Variants in GAL3ST3 observed in about 807,000 individuals in gnomAD.
GAL3ST3 encodes galactose-3-O-sulfotransferase 3.
In GAL3ST3, 21 loss-of-function variants were observed where a neutral mutation model predicts 20.8. The ratio of observed to expected loss-of-function variants is 1.01; its 90% CI spans 0.72 to 1.45. The LOEUF (loss-of-function observed/expected upper bound fraction) is 1.45. Ranked by LOEUF, GAL3ST3 falls within the 40% of genes most tolerant of loss-of-function variation. The probability of loss-of-function intolerance (pLI) is 0.00; values close to 1 mark genes in which losing one functional copy is unlikely to be tolerated. For missense variants in GAL3ST3, 739 were observed against 662.7 expected, an observed-to-expected ratio of 1.12 and a Z score of -1.26; for synonymous variants, 355 against 307.2, an observed-to-expected ratio of 1.16 and a Z score of -1.63.
chr11:66,041,169 G>C lies in GAL3ST3; in HGVS notation c.*1338C>G, dbSNP rs1260459774. ...CCTAGTGGCCACTTTCTGGCTGTGT[G>C]ACCCTGACTTAATTTCCCCCAAGTT... On this transcript the variant is annotated 3_prime_UTR_variant, in exon 3 of 3. Transcript: ENST00000312006. Among the ~76,000 whole-genome samples, 1 of 152,162 alleles carries C rather than the reference G, an allele frequency of 6.6e-6. No homozygotes were observed. The highest frequency in any genetic ancestry group is 1.5e-5 in the Non-Finnish European group (1 of 68,034).
At position 66,043,567 on chromosome 11, in the gene GAL3ST3, A is replaced by G. The variant is rs1301960081; in HGVS notation, c.236T>C (p.Val79Ala). 3 of 1,612,188 alleles carry G rather than the reference A, an allele frequency of 1.9e-6. No homozygotes were observed. The highest frequency in any genetic ancestry group is 1.7e-6 in the Non-Finnish European group (2 of 1,179,922). ...GGCAAAGCGAAACAGGATGTTCTGCACCGTCGTGCCTGCCGTCTTGTGAGT... is the reference window on the plus strand; with the variant it reads ...GGCAAAGCGAAACAGGATGTTCTGCGCCGTCGTGCCTGCCGTCTTGTGAGT... The part of the protein sequence containing the change: ...LKTHKTAGTT[V>A]QNILFRFAER... The change falls in exon 3 of 3, where the codon GTG becomes GCG. Residue 79 changes from valine (V) to alanine (A), a missense_variant. Physicochemically the swap from Val to Ala is moderately conservative, Grantham distance 64 (BLOSUM62 0). Transcript: ENST00000312006.
chr11:66,042,839 G>T lies in GAL3ST3; in HGVS notation c.964C>A (p.Arg322Ser). Residue 322 changes from arginine (R) to serine (S), a missense_variant, in exon 3 of 3, where the codon CGC becomes AGC. By Grantham distance (110) the Arg-to-Ser change is moderately radical. Transcript: ENST00000312006. Reference sequence around the variant, plus strand: ...CGCTGGCGGGCCTCGCGCAGCTCGCGCGCCTCGCGCTCCACGCACGCGCGG... The same window carrying T: ...CGCTGGCGGGCCTCGCGCAGCTCGCTCGCCTCGCGCTCCACGCACGCGCGG... ...AGRACVEREA[R>S]ELREARQRLL... 1 of 1,331,676 alleles carries T rather than the reference G, an allele frequency of 7.5e-7. No homozygotes were observed. The allele number at this position is 1,331,676 out of a possible 1,614,324, so 82.5% of individuals were successfully genotyped here. A position where few individuals can be genotyped will look rare whatever the true frequency, so the allele number is the denominator to read the frequency against.
chr11:66,043,905 C>T (rs1226281605), intron 2 of GAL3ST3, among the ~76,000 whole-genome samples: 1 of 152,172 alleles, frequency 6.6e-6, no homozygotes, highest in Non-Finnish European at 1.5e-5. Flanking sequence ...TTAGGCTGGA[C>T]TTATCATTGC....
At chr11:66,046,155 G>A (rs1164360480) in intron 1 of GAL3ST3, among the ~76,000 whole-genome samples, 2 of 152,202 alleles carry the variant, frequency 1.3e-5, no homozygotes, top group African/African-American at 2.4e-5. Context: ...TATATCACTT[G>A]TCCATAGCTA....
intron 2 of GAL3ST3, among the ~76,000 whole-genome samples, 195 bp from the exon 3 acceptor site, chr11:66,043,872 C>T (rs1856752838): frequency 6.6e-6 from 1 of 152,176 alleles, no homozygotes; most frequent in African/African-American, 2.4e-5. Flanking sequence ...TATTCATGCC[C>T]TTGAGTATTC....
Position 66,042,757 on chromosome 11 carries a change from C to A in GAL3ST3, c.1046G>T (p.Arg349Leu), listed in dbSNP as rs1312022577. 4.6e-6 allele frequency: 7 copies of A among 1,529,086 alleles called. No individual in the cohort carries two copies. The highest frequency in any genetic ancestry group is 5.2e-6 in the Non-Finnish European group (6 of 1,144,008). 94.7% of individuals were successfully genotyped at this position (1,529,086 alleles called of 1,614,324 possible). Residue 349 changes from arginine (R) to leucine (L), a missense_variant, in exon 3 of 3, where the codon CGC (arginine) becomes CTC (leucine). Transcript: ENST00000312006. ...EPLLRPAAQIRTKQLQPWQPS... is the reference protein window; with the variant it reads ...EPLLRPAAQILTKQLQPWQPS... ...CTGCCACGGCTGCAGCTGCTTGGTG[C>A]GGATCTGCGCGGCAGGCCGCAGCAG...
chr11:66,043,065 C>G lies in GAL3ST3; in HGVS notation c.738G>C (p.Glu246Asp), dbSNP rs535807792. 5 of 1,611,652 alleles carry G rather than the reference C, an allele frequency of 3.1e-6. No homozygotes were observed. In the South Asian group the frequency reaches 4.4e-5, roughly 14 times the overall value. ...SLVMIAEYFD[E>D]SLVLLRRLLA... ...GTAGGCGCCGCAGCAGCACTAGCGA[C>G]TCGTCGAAGTACTCGGCGATCATGA... Residue 246 changes from glutamate to aspartate, a missense_variant, in exon 3 of 3, where the codon GAG (glutamate) becomes GAC (aspartate). Coordinates refer to ENST00000312006, the MANE Select transcript of GAL3ST3 (RefSeq NM_033036.3).
chr11:66,044,451 A>G (rs1220845911), intron 2 of GAL3ST3, among the ~76,000 whole-genome samples: 2 of 152,222 alleles, frequency 1.3e-5, no homozygotes, highest in African/African-American at 4.8e-5. Flanking sequence ...TCACTTACAC[A>G]AAGTCTGGAG....
chr11:66,042,381 A>G lies in GAL3ST3; in HGVS notation c.*126T>C. The G allele has an allele frequency of 1.4e-6, 1 of 738,280 alleles. No homozygotes were observed. 45.7% of individuals were successfully genotyped at this position (738,280 alleles called of 1,614,324 possible). On this transcript the variant is annotated 3_prime_UTR_variant, in exon 3 of 3. Transcript: ENST00000312006. ...GCTCAGATAGGGAGGCGTACCCCAA[A>G]GTTCAGCGAGGGACTCAAGCCCCTT...
chr11:66,042,908 C>A lies in GAL3ST3; in HGVS notation c.895G>T (p.Asp299Tyr). 3 of 1,218,228 alleles carry A rather than the reference C, an allele frequency of 2.5e-6. No homozygotes were observed. The highest frequency in any genetic ancestry group is 1.8e-5 in the South Asian group (1 of 56,116). The allele number at this position is 1,218,228 out of a possible 1,614,324, so 75.5% of individuals were successfully genotyped here. A position where few individuals can be genotyped will look rare whatever the true frequency, so the allele number is the denominator to read the frequency against. Residue 299 changes from aspartate (D) to tyrosine (Y), a missense_variant, in exon 3 of 3, where the codon GAC (aspartate) becomes TAC (tyrosine). By Grantham distance (160) the Asp-to-Tyr change is radical (BLOSUM62 -3). Coordinates refer to ENST00000312006, the MANE Select transcript of GAL3ST3 (RefSeq NM_033036.3). ...TWNALDAGLYDHFNATFWRHV... is the reference protein window; with the variant it reads ...TWNALDAGLYYHFNATFWRHV... ...CGCCAGAAGGTGGCGTTGAAGTGGT[C>A]GTAGAGGCCGGCGTCCAGGGCGTTC...
chr11:66,043,028 G>T lies in GAL3ST3; in HGVS notation c.775C>A (p.Leu259Met). The change falls in exon 3 of 3, where the codon CTG (leucine) becomes ATG (methionine). Residue 259 changes from leucine (L) to methionine (M), a missense_variant. Coordinates refer to ENST00000312006, the MANE Select transcript of GAL3ST3 (RefSeq NM_033036.3). ...VLLRRLLAWDLDDVLYAKLNA... is the reference protein window; with the variant it reads ...VLLRRLLAWDMDDVLYAKLNA... ...AGCTTGGCGTAGAGCACGTCGTCCA[G>T]GTCCCAGGCCAGTAGGCGCCGCAGC... 6.2e-7 allele frequency: 1 copy of T among 1,610,206 alleles called. No individual in the cohort carries two copies. Among genetic ancestry groups the T allele is most frequent in the Non-Finnish European group, 8.5e-7 (1 of 1,178,948 alleles).
chr11:66,043,150 C>T lies in GAL3ST3; in HGVS notation c.653G>A (p.Arg218His). ...DLGGDNERSPRDDAAYLAGLI... is the reference protein window; with the variant it reads ...DLGGDNERSPHDDAAYLAGLI... ...GCCCGCCAGGTAGGCGGCGTCGTCG[C>T]GCGGGCTGCGCTCATTGTCGCCGCC... The change falls in exon 3 of 3, where the codon CGC (arginine) becomes CAC (histidine). Residue 218 changes from arginine (R) to histidine (H), a missense_variant. Coordinates refer to ENST00000312006, the MANE Select transcript of GAL3ST3 (RefSeq NM_033036.3). 6.2e-7 allele frequency: 1 copy of T among 1,611,704 alleles called. No individual in the cohort carries two copies. The highest frequency in any genetic ancestry group is 1.3e-5 in the African/African-American group (1 of 75,016).
In GAL3ST3 at chr11:66,042,857, A is replaced by C; in HGVS notation, c.946T>G (p.Cys316Gly). ...WRHVARAGRA[C>G]VEREARELRE... The stretch of plus-strand genomic sequence containing the variant: ...AGCTCGCGCGCCTCGCGCTCCACGC[A>C]CGCGCGGCCCGCGCGCGCCACGTGG... Residue 316 changes from cysteine to glycine, a missense_variant, in exon 3 of 3, where the codon TGC (cysteine) becomes GGC (glycine). Physicochemically the swap from Cys to Gly is radical, Grantham distance 159 (BLOSUM62 -3). Transcript: ENST00000312006. 4 of 1,180,118 alleles carry C rather than the reference A, an allele frequency of 3.4e-6. No homozygotes were observed. The highest frequency in any genetic ancestry group is 4.2e-6 in the Non-Finnish European group (4 of 950,602). 73.1% of individuals were successfully genotyped at this position (1,180,118 alleles called of 1,614,324 possible).
At chr11:66,047,735 C>T (rs1856796971) in intron 1 of GAL3ST3, among the ~76,000 whole-genome samples, 1 of 152,198 alleles carries the variant, frequency 6.6e-6, no homozygotes, top group Admixed American at 6.5e-5. Context: ...CCAGGATTAC[C>T]CTGCCAGTGG....
intron 1 of GAL3ST3, 92 bp from the exon 2 acceptor site, chr11:66,045,619 G>C: frequency 6.4e-6 from 3 of 471,772 alleles, no homozygotes. Flanking sequence ...AACAGGTGGG[G>C]TAAGCAGAGA....
chr11:66,047,102 C>A (rs1856790518), intron 1 of GAL3ST3, among the ~76,000 whole-genome samples: 1 of 152,172 alleles, frequency 6.6e-6, no homozygotes, highest in South Asian at 2.1e-4. Flanking sequence ...CAGAGGGTAA[C>A]CAAGGGCACA....
In GAL3ST3 at chr11:66,043,801, GGTCGAGGGCGGT is replaced by G. The variant is rs1856751639; in HGVS notation, c.126-136_126-125del. The G allele has an allele frequency of 5.0e-6, 4 of 794,608 alleles. No homozygotes were observed. In the South Asian group the frequency reaches 7.3e-5, roughly 15 times the overall value. 49.2% of individuals were successfully genotyped at this position (794,608 alleles called of 1,614,324 possible). On this transcript the variant is annotated intron_variant, in intron 2 of 2. Coordinates refer to ENST00000312006, the MANE Select transcript of GAL3ST3 (RefSeq NM_033036.3). ...CCCGCCTGGGCTGCACTCATGGAAA[GGTCGAGGGCGGT>G]GCTTGGTAGCCTCTAAGATGCCCTC...
Position 66,042,551 on chromosome 11 carries a change from G to C in GAL3ST3, c.1252C>G (p.Pro418Ala). Reference protein sequence around the residue: ...RPEPVLDNPPPRPIRVLPRGP... With the variant: ...RPEPVLDNPPARPIRVLPRGP... ...CGAGGCAGCACTCGGATGGGCCGAG[G>C]CGGGGGATTGTCCAGGACGGGCTCG... The change falls in exon 3 of 3, where the codon CCT (proline) becomes GCT (alanine). Residue 418 changes from proline (P) to alanine (A), a missense_variant. Pro to Ala is a conservative substitution (Grantham distance 27). Transcript: ENST00000312006. 6.6e-7 allele frequency: 1 copy of C among 1,522,648 alleles called. No individual in the cohort carries two copies. The highest frequency in any genetic ancestry group is 1.2e-5 in the South Asian group (1 of 81,822). The allele number at this position is 1,522,648 out of a possible 1,614,324, so 94.3% of individuals were successfully genotyped here. A position where few individuals can be genotyped will look rare whatever the true frequency, so the allele number is the denominator to read the frequency against.
At position 66,041,813 on chromosome 11, in the gene GAL3ST3, G is replaced by C. The variant is rs181693607; in HGVS notation, c.*694C>G. On this transcript the variant is annotated 3_prime_UTR_variant, in exon 3 of 3. Coordinates refer to ENST00000312006, the MANE Select transcript of GAL3ST3 (RefSeq NM_033036.3). ...GCCCAGTCGGTCAAGCGGTTGAGGA[G>C]GGTTGTAGGCCTATGCCAGGTGGCG... 7 of 152,388 alleles carry C rather than the reference G, an allele frequency of 4.6e-5. No individual in the cohort carries two copies. Among genetic ancestry groups the C allele is most frequent in the African/African-American group, 1.7e-4 (7 of 41,566 alleles). The allele number at this position is 152,388 out of a possible 1,614,324, so 9.4% of individuals were successfully genotyped here.
Sources: allele counts gnomAD v4.1 joint callset (sites outside exome capture counted in the v4.1 genomes callset), GRCh38; gene constraint gnomAD v4.1.1; transcripts MANE v1.5; gene names NCBI Gene and HGNC (gene_info 2026-07-23, HGNC 2026-07-21).